The following CXorf38 variants were observed in gnomAD, a reference collection of about 807,000 sequenced individuals.
CXorf38 encodes uncharacterized protein CXorf38.
CXorf38 carries 13 observed loss-of-function variants against 27.5 expected under a neutral mutation model. That is an observed-to-expected ratio of 0.47 (90% confidence interval 0.31 to 0.75). CXorf38 has a LOEUF of 0.75. Ranked by LOEUF, CXorf38 falls within the 30% of genes least tolerant of loss-of-function variation. The pLI is 0.05. For missense variants in CXorf38, 240 were observed against 253.2 expected (o/e 0.95, Z 0.35); for synonymous variants, 100 against 99.8 (o/e 1.00, Z -0.01).
Position 40,630,597 on chromosome X carries a change from C to T in CXorf38, c.*1+17G>A, listed in dbSNP as rs776584417. The T allele has an allele frequency of 8.3e-7, 1 of 1,197,665 alleles. No individual in the cohort carries two copies. The highest frequency in any genetic ancestry group is 1.1e-6 in the Non-Finnish European group (1 of 886,886). ...TGATTCTGTCCTTCTTTAACACCAT[C>T]ATCTGCCTGAACTCACCTCAGGCCT... is the stretch of plus-strand genomic sequence containing the variant. On this transcript the variant is annotated intron_variant, in intron 6 of 6. Transcript: ENST00000327877.
In CXorf38 at chrX:40,647,524, T is replaced by C. The variant is rs750016058; in HGVS notation, c.-4A>G. 2.2e-5 allele frequency: 26 copies of C among 1,179,522 alleles called. No individual in the cohort carries two copies. Among genetic ancestry groups the C allele is most frequent in the Non-Finnish European group, 2.9e-5 (26 of 884,481 alleles). ...CCGCTAGCTCCGACAGCACCATGTC[T>C]CCCACTTGGAACCAGGAGGTTGCGG... On this transcript the variant is annotated 5_prime_UTR_variant, in exon 1 of 7. Coordinates refer to ENST00000327877, the MANE Select transcript of CXorf38 (RefSeq NM_144970.3).
At chrX:40,643,492 ATTTCT>A (rs1225183484) in intron 2 of CXorf38, among the ~76,000 whole-genome samples, 4 of 109,907 alleles carry the variant, frequency 3.6e-5, no homozygotes, top group Non-Finnish European at 5.7e-5. Context: ...TATTCTGGAT[ATTTCT>A]TTTCTTTTCT....
At chrX:40,639,596 G>A (rs7886667) in intron 2 of CXorf38, 1,693 of 115,397 alleles carry the variant, frequency 0.015, 30 homozygotes, top group African/African-American at 0.052. Flanking sequence ...TCTGCCATTT[G>A]CCAGCTGTGA....
chrX:40,640,186 C>T, intron 2 of CXorf38: 1 of 315,946 alleles, frequency 3.2e-6, no homozygotes, highest in Non-Finnish European at 6.0e-6. Flanking sequence ...AAAAATTAGC[C>T]ATGCATTGTG....
At chrX:40,646,905 T>C (rs1928608085) in intron 2 of CXorf38, 102 bp downstream of exon 2, 6 of 958,789 alleles carry the variant, frequency 6.3e-6, no homozygotes, top group Admixed American at 3.4e-5. Flanking sequence ...TCTCTCTCTC[T>C]GCATCTGTTT....
chrX:40,640,132 C>T (rs1928252741), intron 2 of CXorf38: 5 of 284,962 alleles, frequency 1.8e-5, no homozygotes, highest in Admixed American at 4.0e-5. Flanking sequence ...ATCGTTTGAG[C>T]CCAGCCTGGG....
rs1332247571 is a variant in CXorf38 at position 40,627,213 on chromosome X, C to T, written c.*2951G>A. On this transcript the variant is annotated 3_prime_UTR_variant, in exon 7 of 7. Coordinates refer to ENST00000327877, the MANE Select transcript of CXorf38 (RefSeq NM_144970.3). ...GGGGGGGGGGGTTGTTTTTTAGAGA[C>T]GGAGTCTCCCTCTGTCACCCAGGCT... The T allele has an allele frequency of 9.7e-6, 1 of 102,820 alleles. No homozygotes were observed. Among genetic ancestry groups the T allele is most frequent in the Non-Finnish European group, 2.0e-5 (1 of 50,776 alleles). The allele number at this position is 102,820 out of a possible 1,213,427, so 8.5% of individuals were successfully genotyped here. A position where few individuals can be genotyped will look rare whatever the true frequency, so the allele number is the denominator to read the frequency against.
At chrX:40,642,212 G>C (rs1928354380) in intron 2 of CXorf38, among the ~76,000 whole-genome samples, 2 of 110,980 alleles carry the variant, frequency 1.8e-5, no homozygotes, top group East Asian at 2.8e-4. Context: ...AGTGACTCTA[G>C]AAAGTTGGTA....
intron 2 of CXorf38, among the ~76,000 whole-genome samples, chrX:40,641,407 A>C (rs1928318825): frequency 9.0e-6 from 1 of 111,444 alleles, no homozygotes; most frequent in Non-Finnish European, 1.9e-5. Context: ...TGTTTTTGAG[A>C]GACAGGGTCT....
chrX:40,646,984 C>G (rs748364646), intron 2 of CXorf38, 23 bp downstream of exon 2: 98 of 1,202,519 alleles, frequency 8.1e-5, no homozygotes, highest in East Asian at 8.1e-4. Context: ...CTTCCTCCTT[C>G]CGTCCCCGCC....
At chrX:40,642,337 C>T (rs1414524447) in intron 2 of CXorf38, among the ~76,000 whole-genome samples, 7 of 111,175 alleles carry the variant, frequency 6.3e-5, no homozygotes, top group Non-Finnish European at 9.4e-5. Flanking sequence ...TGGATGTGTG[C>T]GTCTAGAACT....
intron 5 of CXorf38, among the ~76,000 whole-genome samples, chrX:40,632,421 T>C (rs889274659): frequency 7.1e-5 from 8 of 112,139 alleles, no homozygotes; most frequent in Non-Finnish European, 1.5e-4. Flanking sequence ...CCAAATTGCC[T>C]TTCTTTCCCA....
chrX:40,632,124 G>A (rs1421449346), intron 5 of CXorf38, among the ~76,000 whole-genome samples: 3 of 111,886 alleles, frequency 2.7e-5, no homozygotes, highest in African/African-American at 9.7e-5. Flanking sequence ...AGCTCTCAGT[G>A]ACCGTGCCCG....
At chrX:40,645,367 G>A (rs1307483425) in intron 2 of CXorf38, among the ~76,000 whole-genome samples, 1 of 111,470 alleles carries the variant, frequency 9.0e-6, no homozygotes, top group Non-Finnish European at 1.9e-5. Flanking sequence ...ACCAAGAGGA[G>A]CAAAGAGTGG....
At chrX:40,634,979 C>T (rs779570864) in intron 5 of CXorf38, among the ~76,000 whole-genome samples, 1 of 112,375 alleles carries the variant, frequency 8.9e-6, no homozygotes, top group African/African-American at 3.2e-5. Context: ...TGCAGCACAG[C>T]AGGCGGGAAG....
At chrX:40,644,548 T>C (rs1026949512) in intron 2 of CXorf38, among the ~76,000 whole-genome samples, 2 of 112,814 alleles carry the variant, frequency 1.8e-5, no homozygotes, top group South Asian at 3.6e-4. Context: ...TTTAAAAATA[T>C]AGCATAACGA....
rs185102724 is a variant in CXorf38, at chrX:40,642,804, C to T, written c.352-3676G>A. ...CTTTTTTTTCTGAGACAGGGTCTTA[C>T]TCTGTTGCCCAGGCTGGAGTACAAT... is the stretch of plus-strand genomic sequence containing the variant. On this transcript the variant is annotated intron_variant, in intron 2 of 6. Coordinates refer to ENST00000327877, the MANE Select transcript of CXorf38 (RefSeq NM_144970.3). 2.0e-3 allele frequency among the ~76,000 whole-genome samples: 224 copies of T among 111,177 alleles called. 2 individuals are homozygous for T. Among genetic ancestry groups the T allele is most frequent in the Admixed American group, 0.02 (211 of 10,488 alleles).
At chrX:40,645,807 G>A (rs1450689866) in intron 2 of CXorf38, among the ~76,000 whole-genome samples, 1 of 110,783 alleles carries the variant, frequency 9.0e-6, no homozygotes, top group East Asian at 2.8e-4. Flanking sequence ...TTGTAGAGAC[G>A]GGGTTTTGCC....
chrX:40,647,362 G>A lies in CXorf38; in HGVS notation c.159C>T (p.Gly53=). 2.6e-6 allele frequency: 3 copies of A among 1,154,902 alleles called. No homozygotes were observed. The highest frequency in any genetic ancestry group is 2.8e-4 in the Middle Eastern group (1 of 3,635). Residue 53 remains glycine, a synonymous_variant, in exon 1 of 7, where the codon GGC becomes GGT. Transcript: ENST00000327877. ...FHRGLLAAAP[G]LGPRAVCRGG... ...CGCGGCAGACGGCGCGGGGCCCCAG[G>A]CCGGGGGCTGCGGCGAGTAGGCCGC...
Sources: allele counts gnomAD v4.1 joint callset (sites outside exome capture counted in the v4.1 genomes callset), GRCh38; gene constraint gnomAD v4.1.1; transcripts MANE v1.5; gene names NCBI Gene and HGNC (gene_info 2026-07-23, HGNC 2026-07-21).